Variants in DNAH10 observed in about 807,000 individuals in gnomAD.
DNAH10 encodes dynein axonemal heavy chain 10, also known as axonemal beta dynein heavy chain 10.
DNAH10 carries 348 observed loss-of-function variants against 506.6 expected under a neutral mutation model. That is an observed-to-expected ratio of 0.69 (90% CI 0.63 to 0.75). The LOEUF is 0.75. Ranked by LOEUF, DNAH10 falls within the 30% of genes least tolerant of loss-of-function variation. The pLI, the probability that DNAH10 is intolerant of heterozygous loss-of-function variation, is 0.00. For synonymous variants in DNAH10, 2,059 were observed against 2,198.6 expected (o/e 0.94, Z 1.78); for missense variants, 5,179 against 5,787.1 (o/e 0.89, Z 3.41).
intron 67 of DNAH10, 138 bp downstream of exon 67, chr12:123,924,570 CCT>C (rs1268439571): frequency 9.0e-7 from 1 of 1,109,484 alleles, no homozygotes; most frequent in Non-Finnish European, 1.2e-6. Flanking sequence ...CCTGTAACTC[CCT>C]GATTGGAATT....
intron 69 of DNAH10, chr12:123,927,069 G>C (rs941465516): frequency 2.0e-6 from 1 of 494,528 alleles, no homozygotes; most frequent in East Asian, 3.9e-5. Context: ...TTGAGACAGG[G>C]TCTCACTCTG....
In DNAH10 at chr12:123,926,797, G is replaced by C; in HGVS notation, c.12082G>C (p.Ala4028Pro). 6.2e-7 allele frequency: 1 copy of C among 1,613,948 alleles called. No individual in the cohort carries two copies. The highest frequency in any genetic ancestry group is 8.5e-7 in the Non-Finnish European group (1 of 1,179,890). The part of the protein sequence containing the change: ...GFGGNRLKFL[A>P]MGQGQEKVAL... Reference sequence around the variant, plus strand: ...TGGAGGAAATCGCCTCAAATTCCTTGCAATGGGTCAAGGTCAAGAAAAGGT... The same window carrying C: ...TGGAGGAAATCGCCTCAAATTCCTTCCAATGGGTCAAGGTCAAGAAAAGGT... The change falls in exon 69 of 79, where the codon GCA (alanine) becomes CCA (proline). Residue 4028 changes from alanine (A) to proline (P), a missense_variant. Coordinates refer to ENST00000673944, the MANE Select transcript of DNAH10 (RefSeq NM_001372106.1). This position sits in a 1 kb window ranked among gnomAD's most constrained non-coding sequence, Gnocchi z 4.1.
chr12:123,917,955 G>A lies in DNAH10; in HGVS notation c.11232+142G>A. 1 of 891,968 alleles carries A rather than the reference G, an allele frequency of 1.1e-6. No individual in the cohort carries two copies. The highest frequency in any genetic ancestry group is 1.7e-6 in the Non-Finnish European group (1 of 590,370). 55.3% of individuals were successfully genotyped at this position (891,968 alleles called of 1,614,324 possible). ...ACCCACCTCTATTGGGATGTGCTGT[G>A]GGGAGGGGAGCCCTAAAGGTGTTCC... On this transcript the variant is annotated intron_variant, in intron 64 of 78. Coordinates refer to ENST00000673944, the MANE Select transcript of DNAH10 (RefSeq NM_001372106.1). The surrounding 1 kb of genome is among the most constrained non-coding windows in gnomAD (Gnocchi z 5.6).
rs1258451229 is a variant in DNAH10 at position 123,902,923 on chromosome 12, C to A, written c.9641-16C>A. ...TCTGAGCCCAAGCTTTACTCACCCC[C>A]TGTCCTACCCTGCAGCCGAGGAGAA... On this transcript the variant is annotated splice_polypyrimidine_tract_variant and intron_variant, in intron 56 of 78. Coordinates refer to ENST00000673944, the MANE Select transcript of DNAH10 (RefSeq NM_001372106.1). The surrounding 1 kb of genome is among the most constrained non-coding windows in gnomAD (Gnocchi z 4.5). 2.5e-6 allele frequency: 4 copies of A among 1,569,258 alleles called. No homozygotes were observed. The South Asian group carries it at 3.5e-5, about 14-fold the overall frequency.
rs192389079 is a variant in DNAH10, at chr12:123,813,118, A to G, written c.3145-46A>G. The G allele has an allele frequency of 1.3e-5, 19 of 1,473,438 alleles. No homozygotes were observed. The East Asian group carries it at 4.1e-4, about 32-fold the overall frequency. The allele number at this position is 1,473,438 out of a possible 1,614,324, so 91.3% of individuals were successfully genotyped here. On this transcript the variant is annotated intron_variant, in intron 19 of 78. Transcript: ENST00000673944. ...TACTAATATGTACGTTGGAGGCAAA[A>G]TAGATACTAAAATACTGTCTTTTCT... is the stretch of plus-strand genomic sequence containing the variant.
intron 2 of DNAH10, among the ~76,000 whole-genome samples, chr12:123,769,922 GTTTT>G (rs373397275): frequency 1.4e-5 from 2 of 140,000 alleles, no homozygotes; most frequent in African/African-American, 5.4e-5. Flanking sequence ...CCTGGCTAAG[GTTTT>G]TTTTTTTTTT....
Position 123,893,455 on chromosome 12 carries a change from G to A in DNAH10, c.9199+19G>A. The A allele has an allele frequency of 6.2e-7, 1 of 1,611,702 alleles. No homozygotes were observed. The highest frequency in any genetic ancestry group is 1.1e-5 in the South Asian group (1 of 90,998). ...TTCCCAGGTACCCGCGGTGGAGCCTGTGAACCCATTTCCCCTGCTTTGGCA... is the reference window on the plus strand; with the variant it reads ...TTCCCAGGTACCCGCGGTGGAGCCTATGAACCCATTTCCCCTGCTTTGGCA... On this transcript the variant is annotated intron_variant, in intron 53 of 78. Coordinates refer to ENST00000673944, the MANE Select transcript of DNAH10 (RefSeq NM_001372106.1).
chr12:123,898,171 T>C (rs1410248635), intron 55 of DNAH10, among the ~76,000 whole-genome samples: 2 of 152,246 alleles, frequency 1.3e-5, no homozygotes, highest in Admixed American at 1.3e-4. Flanking sequence ...TGTTGAGTCT[T>C]AGACTTTGAA....
At position 123,867,616 on chromosome 12, in the gene DNAH10, C is replaced by T; in HGVS notation, c.7302+15C>T. The T allele has an allele frequency of 1.9e-6, 3 of 1,611,398 alleles. No individual in the cohort carries two copies. The highest frequency in any genetic ancestry group is 1.3e-5 in the African/African-American group (1 of 74,872). On this transcript the variant is annotated intron_variant, in intron 42 of 78. Transcript: ENST00000673944. ...ACCTCAATATGGTAAGAAATGATCC[C>T]TGCTGTTAGCAAAAAGAAATTCTTT...
intron 17 of DNAH10, among the ~76,000 whole-genome samples, chr12:123,804,425 T>G (rs1958583508): frequency 6.6e-6 from 1 of 151,406 alleles, no homozygotes; most frequent in Non-Finnish European, 1.5e-5. Flanking sequence ...CTCGGGAGGC[T>G]GAGGCAGGAG....
chr12:123,835,651 G>A, intron 28 of DNAH10, 123 bp downstream of exon 28: 1 of 1,380,900 alleles, frequency 7.2e-7, no homozygotes, highest in East Asian at 2.5e-5. Flanking sequence ...TAGAGACAGG[G>A]TTTTGCTCTG....
Position 123,798,675 on chromosome 12 carries a change from C to A in DNAH10, c.2164-571C>A, listed in dbSNP as rs1260005984. 3.3e-4 allele frequency among the ~76,000 whole-genome samples: 49 copies of A among 148,968 alleles called. 1 individual carries two copies. In the Admixed American group the frequency reaches 3.3e-3, roughly 10 times the overall value. ...TTCCTTTTTCAAAATGTGTTTATAT[C>A]TAATACTATTTTATATTATATTATT... On this transcript the variant is annotated intron_variant, in intron 13 of 78. Coordinates refer to ENST00000673944, the MANE Select transcript of DNAH10 (RefSeq NM_001372106.1).
chr12:123,916,661 T>C lies in DNAH10; in HGVS notation c.10927T>C (p.Tyr3643His), dbSNP rs1209934362. The C allele has an allele frequency of 6.2e-7, 1 of 1,613,856 alleles. No homozygotes were observed. The highest frequency in any genetic ancestry group is 1.1e-5 in the South Asian group (1 of 91,064). ...EVDYDSNFRL[Y>H]LNTKLANPRY... ...GGACTATGATTCAAATTTCAGACTGTACCTGAACACCAAGCTGGCCAATCC... is the reference window on the plus strand; with the variant it reads ...GGACTATGATTCAAATTTCAGACTGCACCTGAACACCAAGCTGGCCAATCC... The change falls in exon 63 of 79, where the codon TAC becomes CAC. Residue 3643 changes from tyrosine (Y) to histidine (H), a missense_variant. By Grantham distance (83) the Tyr-to-His change is moderately conservative. Coordinates refer to ENST00000673944, the MANE Select transcript of DNAH10 (RefSeq NM_001372106.1). This position sits in a 1 kb window ranked among gnomAD's most constrained non-coding sequence, Gnocchi z 4.6.
chr12:123,804,767 A>G, intron 17 of DNAH10, 66 bp from the exon 18 acceptor site: 2 of 1,510,776 alleles, frequency 1.3e-6, no homozygotes, highest in Non-Finnish European at 1.8e-6. Flanking sequence ...TCATGTTTGG[A>G]TTGCCTTTTG....
rs1216849373 is a variant in DNAH10 at position 123,806,828 on chromosome 12, C to T, written c.2987+1788C>T. Reference sequence around the variant, plus strand: ...TGTTGCCCAGGCTGGAGTGCAGTGGCGCAATCTTGGCTCGCTGCAACCTCC... The same window carrying T: ...TGTTGCCCAGGCTGGAGTGCAGTGGTGCAATCTTGGCTCGCTGCAACCTCC... On this transcript the variant is annotated intron_variant, in intron 18 of 78. Coordinates refer to ENST00000673944, the MANE Select transcript of DNAH10 (RefSeq NM_001372106.1). 1.6e-4 allele frequency among the ~76,000 whole-genome samples: 24 copies of T among 147,512 alleles called. 1 individual carries two copies. Among genetic ancestry groups the T allele is most frequent in the East Asian group, 1.6e-3 (8 of 5,018 alleles).
Position 123,910,660 on chromosome 12 carries a change from C to G in DNAH10, c.10122C>G (p.Pro3374=), listed in dbSNP as rs1594352943. 18 of 1,613,144 alleles carry G rather than the reference C, an allele frequency of 1.1e-5. No individual in the cohort carries two copies. The Middle Eastern group carries it at 1.2e-3, about 103-fold the overall frequency. The change falls in exon 59 of 79, where the codon CCC becomes CCG. Residue 3374 remains proline (P), a synonymous_variant. Transcript: ENST00000673944. ...GTGATGTTTTCAGAGAAATCAAGCC[C>G]AAAAGAGAGAAGGTATTGCCCGAAT... is the stretch of plus-strand genomic sequence containing the variant. The part of the protein sequence containing the change: ...GYCDVFREIK[P]KREKVARLER...
At chr12:123,915,520 A>G (rs1446250766) in intron 62 of DNAH10, among the ~76,000 whole-genome samples, 1 of 150,964 alleles carries the variant, frequency 6.6e-6, no homozygotes, top group Non-Finnish European at 1.5e-5. Flanking sequence ...TCACCCCTCC[A>G]GTCCTTCCGT....
chr12:123,869,748 C>G (rs1286338332), intron 43 of DNAH10, among the ~76,000 whole-genome samples: 1 of 152,210 alleles, frequency 6.6e-6, no homozygotes, highest in African/African-American at 2.4e-5. Flanking sequence ...GAGTTTATCT[C>G]TCTCTCTCAT....
At chr12:123,869,537 C>T (rs1007340996) in intron 43 of DNAH10, among the ~76,000 whole-genome samples, 2 of 152,246 alleles carry the variant, frequency 1.3e-5, no homozygotes, top group African/African-American at 4.8e-5. Flanking sequence ...CCTGCCCTTT[C>T]CGCGCTCTCC....
Sources: allele counts gnomAD v4.1 joint callset (sites outside exome capture counted in the v4.1 genomes callset), GRCh38; gene constraint gnomAD v4.1.1; non-coding constraint Gnocchi (gnomAD v3.1); transcripts MANE v1.5; gene names NCBI Gene and HGNC (gene_info 2026-07-23, HGNC 2026-07-21).